Variants in PTPN12 observed in about 807,000 individuals in gnomAD.
The protein encoded by PTPN12 is tyrosine-protein phosphatase non-receptor type 12.
In PTPN12, 29 loss-of-function variants were observed where a neutral mutation model predicts 97.6. The observed-to-expected ratio is 0.30, with a 90% CI of 0.22 to 0.41. PTPN12 has a LOEUF of 0.41. Among genes scored for constraint, PTPN12 ranks in the 10% least tolerant of loss-of-function variants. The pLI, the probability that PTPN12 is intolerant of heterozygous loss-of-function variation, is 1.00. For synonymous variants in PTPN12, 327 were observed against 300.4 expected, an observed-to-expected ratio of 1.09 and a Z score of -0.91; for missense variants, 819 against 926.0, an observed-to-expected ratio of 0.88 and a Z score of 1.50.
At chr7:77,576,587 C>A (rs995572300) in intron 2 of PTPN12, among the ~76,000 whole-genome samples, 1 of 152,076 alleles carries the variant, frequency 6.6e-6, no homozygotes, top group Non-Finnish European at 1.5e-5. Flanking sequence ...GTCCCAGCTA[C>A]TTGAGAGGCT....
intron 9 of PTPN12, among the ~76,000 whole-genome samples, chr7:77,609,554 G>A (rs1013339739): frequency 1.3e-5 from 2 of 150,508 alleles, no homozygotes; most frequent in Non-Finnish European, 3.0e-5. Context: ...ACAGACATGA[G>A]CCACTGCACC....
rs1483284076 is a variant in PTPN12, at chr7:77,609,710, C to G, written c.763-1055C>G. Among the ~76,000 whole-genome samples, 5 of 148,902 alleles carry G rather than the reference C, an allele frequency of 3.4e-5. No individual in the cohort carries two copies. In the East Asian group the frequency reaches 9.8e-4, roughly 29 times the overall value. On this transcript the variant is annotated intron_variant, in intron 9 of 17. Coordinates refer to ENST00000248594, the MANE Select transcript of PTPN12 (RefSeq NM_002835.4). ...CCTGGCTAACACGGTGAAACCCTGT[C>G]TCTACTAAAAATATAAAAAAAATCG...
chr7:77,576,938 G>T (rs995481082), intron 2 of PTPN12, among the ~76,000 whole-genome samples: 1 of 152,184 alleles, frequency 6.6e-6, no homozygotes, highest in African/African-American at 2.4e-5. Context: ...CAGCTGGGAG[G>T]GCGGGGAGCA....
At chr7:77,548,347 C>T (rs1671161837) in intron 1 of PTPN12, among the ~76,000 whole-genome samples, 1 of 152,138 alleles carries the variant, frequency 6.6e-6, no homozygotes, top group African/African-American at 2.4e-5. Context: ...CATTTGTGAC[C>T]AGAACCAACG....
intron 6 of PTPN12, among the ~76,000 whole-genome samples, chr7:77,597,289 A>G (rs965838753): frequency 3.3e-5 from 5 of 152,042 alleles, no homozygotes; most frequent in Non-Finnish European, 5.9e-5. Context: ...ACACACAGCT[A>G]AGTTTTGTAT....
intron 14 of PTPN12, among the ~76,000 whole-genome samples, chr7:77,632,978 T>C (rs1184309629): frequency 6.6e-6 from 1 of 151,248 alleles, no homozygotes; most frequent in Non-Finnish European, 1.5e-5. Flanking sequence ...AATAAATAAA[T>C]GCAATTACAA....
intron 1 of PTPN12, among the ~76,000 whole-genome samples, chr7:77,551,347 G>GT (rs1213334625): frequency 6.6e-6 from 1 of 152,162 alleles, no homozygotes; most frequent in African/African-American, 2.4e-5. Flanking sequence ...AGGCATGACA[G>GT]TTTAACATTT....
At chr7:77,579,050 G>A (rs966122486) in intron 2 of PTPN12, among the ~76,000 whole-genome samples, 1 of 152,002 alleles carries the variant, frequency 6.6e-6, no homozygotes, top group Non-Finnish European at 1.5e-5. Context: ...TCATAACTTC[G>A]TTCCAGTCAT....
intron 1 of PTPN12, among the ~76,000 whole-genome samples, chr7:77,550,753 T>C (rs1378407301): frequency 6.6e-6 from 1 of 152,216 alleles, no homozygotes; most frequent in Non-Finnish European, 1.5e-5. Flanking sequence ...TGGATGTTTT[T>C]CTGCTAAAGA....
chr7:77,566,752 G>T lies in PTPN12; in HGVS notation c.100-4326G>T, dbSNP rs185864239. ...AAAGATCTTTAGGGTAGACTTAATT[G>T]CAAATGCTTTCTTAAAGGATTTGTT... On this transcript the variant is annotated intron_variant, in intron 1 of 17. Transcript: ENST00000248594. Among the ~76,000 whole-genome samples, 10 of 152,148 alleles carry T rather than the reference G, an allele frequency of 6.6e-5. No individual in the cohort carries two copies. The South Asian group carries it at 1.0e-3, about 16-fold the overall frequency.
chr7:77,618,583 A>T lies in PTPN12; in HGVS notation c.1025+18A>T. 1 of 1,530,024 alleles carries T rather than the reference A, an allele frequency of 6.5e-7. No homozygotes were observed. Among genetic ancestry groups the T allele is most frequent in the Non-Finnish European group, 9.0e-7 (1 of 1,111,628 alleles). The allele number at this position is 1,530,024 out of a possible 1,614,324, so 94.8% of individuals were successfully genotyped here. ...ACCCGCAGGTATTGTATGTCTTCGA[A>T]CATTTTCTTTAAAAGCATACTTGTT... On this transcript the variant is annotated intron_variant, in intron 12 of 17. Coordinates refer to ENST00000248594, the MANE Select transcript of PTPN12 (RefSeq NM_002835.4).
chr7:77,597,350 T>G (rs1358759122), intron 6 of PTPN12, among the ~76,000 whole-genome samples: 2 of 152,174 alleles, frequency 1.3e-5, no homozygotes, highest in East Asian at 3.9e-4. Context: ...CTCGAACTCC[T>G]GACCTCAAGT....
In PTPN12 at chr7:77,625,563, CTCTTTTTTTTTT is replaced by C. The variant is rs1335809611; in HGVS notation, c.1026-1140_1026-1129del. Reference sequence around the variant, plus strand: ...TCGCGCTCTCTCTCTCGCTCTCTCTCTCTTTTTTTTTTTTTTTTTTTTTTTGGAGACAGTCTT... The same window carrying C: ...TCGCGCTCTCTCTCTCGCTCTCTCTCTTTTTTTTTTTTTGGAGACAGTCTT... On this transcript the variant is annotated intron_variant, in intron 12 of 17. Coordinates refer to ENST00000248594, the MANE Select transcript of PTPN12 (RefSeq NM_002835.4). 1.3e-3 allele frequency among the ~76,000 whole-genome samples: 37 copies of C among 27,784 alleles called. 3 individuals are homozygous for C. The East Asian group carries it at 0.086, about 65-fold the overall frequency. 18.2% of individuals were successfully genotyped at this position (27,784 alleles called of 152,430 possible).
chr7:77,626,484 G>A (rs996394061), intron 12 of PTPN12, among the ~76,000 whole-genome samples: 1 of 152,200 alleles, frequency 6.6e-6, no homozygotes, highest in South Asian at 2.1e-4. Flanking sequence ...GGGCTGCGGG[G>A]CAGAGACTAT....
chr7:77,630,294 G>A (rs1584221401), intron 13 of PTPN12, among the ~76,000 whole-genome samples: 1 of 152,120 alleles, frequency 6.6e-6, no homozygotes, highest in Non-Finnish European at 1.5e-5. Flanking sequence ...GAGTTTTGGG[G>A]GGTTTTTTGG....
At chr7:77,630,518 C>G (rs3793176) in intron 13 of PTPN12, among the ~76,000 whole-genome samples, 106,893 of 152,068 alleles carry the variant, frequency 0.7, 38,500 homozygotes, top group East Asian at 0.9. Flanking sequence ...TTACCATACT[C>G]AACAATTGTA....
chr7:77,608,914 G>A (rs1327649474), intron 9 of PTPN12, among the ~76,000 whole-genome samples: 3 of 152,130 alleles, frequency 2.0e-5, no homozygotes, highest in Non-Finnish European at 4.4e-5. Flanking sequence ...ACAAACATTT[G>A]GTCATTTTAA....
chr7:77,579,728 T>A (rs1461376889), intron 2 of PTPN12, among the ~76,000 whole-genome samples: 1 of 152,192 alleles, frequency 6.6e-6, no homozygotes, highest in East Asian at 1.9e-4. Context: ...TGATTTTTTC[T>A]TTTTACATAG....
chr7:77,537,896 GGCCGAGCCCGCA>G, intron 1 of PTPN12: 1 of 565,210 alleles, frequency 1.8e-6, no homozygotes, highest in Non-Finnish European at 2.5e-6. Context: ...GCGGCCGCGC[GGCCGAGCCCGCA>G]GCCTGCACCG....
Sources: allele counts gnomAD v4.1 joint callset (sites outside exome capture counted in the v4.1 genomes callset), GRCh38; gene constraint gnomAD v4.1.1; transcripts MANE v1.5; gene names NCBI Gene and HGNC (gene_info 2026-07-23, HGNC 2026-07-21).